The following CDK5R1 variants were observed in gnomAD, a reference collection of about 807,000 sequenced individuals.
CDK5R1 encodes cyclin dependent kinase 5 regulatory subunit 1.
In CDK5R1, 1 loss-of-function variant was observed where a neutral mutation model predicts 19.0. The ratio of observed to expected loss-of-function variants is 0.05; its 90% CI spans 0.02 to 0.25. CDK5R1 has a LOEUF of 0.25. Ranked by LOEUF, CDK5R1 falls within the 10% of genes least tolerant of loss-of-function variation. The probability of loss-of-function intolerance (pLI) is 1.00; values close to 1 mark genes in which losing one functional copy is unlikely to be tolerated. For missense variants in CDK5R1, 314 were observed against 401.0 expected, an observed-to-expected ratio of 0.78 and a Z score of 1.85; for synonymous variants, 225 against 187.7, an observed-to-expected ratio of 1.20 and a Z score of -1.62.
In CDK5R1 at chr17:32,488,813, C is replaced by T. The variant is rs1394399298; in HGVS notation, c.*269C>T. 6 of 523,252 alleles carry T rather than the reference C, an allele frequency of 1.1e-5. No homozygotes were observed. Among genetic ancestry groups the T allele is most frequent in the African/African-American group, 1.9e-5 (1 of 51,388 alleles). 32.4% of individuals were successfully genotyped at this position (523,252 alleles called of 1,614,324 possible). The stretch of plus-strand genomic sequence containing the variant: ...ACTCAAAGGACTGACCTGCCCCTGC[C>T]GCCTGTGCCCTTGCTGGGTCCAGGG... On this transcript the variant is annotated 3_prime_UTR_variant, in exon 2 of 2. Coordinates refer to ENST00000313401, the MANE Select transcript of CDK5R1 (RefSeq NM_003885.3).
rs550605693 is a variant in CDK5R1 at position 32,487,619 on chromosome 17, C to A, written c.-2C>A. ...AGCCCCCGCCCGGCGCGCAGCAGCA[C>A]CATGGGCACGGTGCTGTCCCTGTCT... On this transcript the variant is annotated 5_prime_UTR_variant, in exon 2 of 2. Coordinates refer to ENST00000313401, the MANE Select transcript of CDK5R1 (RefSeq NM_003885.3). The surrounding 1 kb of genome is among the most constrained non-coding windows in gnomAD (Gnocchi z 7.9). 1 of 1,611,696 alleles carries A rather than the reference C, an allele frequency of 6.2e-7. No homozygotes were observed. The highest frequency in any genetic ancestry group is 1.1e-5 in the South Asian group (1 of 91,004).
In CDK5R1 at chr17:32,491,183, T is replaced by C. The variant is rs1448241223; in HGVS notation, c.*2639T>C. On this transcript the variant is annotated 3_prime_UTR_variant, in exon 2 of 2. Transcript: ENST00000313401. Reference sequence around the variant, plus strand: ...GTCATGAAGCTCAGTTTGGCTGTAATTTAATTCCCCTTCCCTTATTTTTAT... The same window carrying C: ...GTCATGAAGCTCAGTTTGGCTGTAACTTAATTCCCCTTCCCTTATTTTTAT... 2 of 167,098 alleles carry C rather than the reference T, an allele frequency of 1.2e-5. No individual in the cohort carries two copies. The highest frequency in any genetic ancestry group is 2.9e-5 in the Non-Finnish European group (2 of 68,140). 10.4% of individuals were successfully genotyped at this position (167,098 alleles called of 1,614,324 possible).
Position 32,489,011 on chromosome 17 carries a change from G to A in CDK5R1, c.*467G>A, listed in dbSNP as rs1908777241. Reference sequence around the variant, plus strand: ...CCACCCTAACTGAGCTGCCAGTGGGGTCGTGAGGCAAGATCCCCGCCACCC... The same window carrying A: ...CCACCCTAACTGAGCTGCCAGTGGGATCGTGAGGCAAGATCCCCGCCACCC... On this transcript the variant is annotated 3_prime_UTR_variant, in exon 2 of 2. Coordinates refer to ENST00000313401, the MANE Select transcript of CDK5R1 (RefSeq NM_003885.3). 2.6e-6 allele frequency: 1 copy of A among 380,472 alleles called. No individual in the cohort carries two copies. The highest frequency in any genetic ancestry group is 2.0e-5 in the South Asian group (1 of 49,140). 23.6% of individuals were successfully genotyped at this position (380,472 alleles called of 1,614,324 possible). A position where few individuals can be genotyped will look rare whatever the true frequency, so the allele number is the denominator to read the frequency against.
Position 32,488,581 on chromosome 17 carries a change from C to A in CDK5R1, c.*37C>A, listed in dbSNP as rs1908761977. 1 of 1,613,458 alleles carries A rather than the reference C, an allele frequency of 6.2e-7. No individual in the cohort carries two copies. Among genetic ancestry groups the A allele is most frequent in the Non-Finnish European group, 8.5e-7 (1 of 1,179,922 alleles). Reference sequence around the variant, plus strand: ...TGCGTCATGGCTCAAGGATTCAATGCATTTTTAAGAATTTATTATTAAATC... The same window carrying A: ...TGCGTCATGGCTCAAGGATTCAATGAATTTTTAAGAATTTATTATTAAATC... On this transcript the variant is annotated 3_prime_UTR_variant, in exon 2 of 2. Transcript: ENST00000313401.
At position 32,490,603 on chromosome 17, in the gene CDK5R1, T is replaced by C. The variant is rs1200110558; in HGVS notation, c.*2059T>C. On this transcript the variant is annotated 3_prime_UTR_variant, in exon 2 of 2. Coordinates refer to ENST00000313401, the MANE Select transcript of CDK5R1 (RefSeq NM_003885.3). The stretch of plus-strand genomic sequence containing the variant: ...CAGTATTGTGTAAAGGAACAACTGA[T>C]ATACTTGAGTGTGCAAGCAAAGAAC... The C allele has an allele frequency of 1.2e-5, 2 of 167,098 alleles. No individual in the cohort carries two copies. Among genetic ancestry groups the C allele is most frequent in the African/African-American group, 4.8e-5 (2 of 41,426 alleles). The allele number at this position is 167,098 out of a possible 1,614,324, so 10.4% of individuals were successfully genotyped here.
rs771799105 is a variant in CDK5R1 at position 32,488,520 on chromosome 17, GCTC to G, written c.906_908del (p.Leu303del). The G allele has an allele frequency of 6.2e-7, 1 of 1,614,162 alleles. No individual in the cohort carries two copies. Among genetic ancestry groups the G allele is most frequent in the Admixed American group, 1.7e-5 (1 of 60,030 alleles). On this transcript the variant is annotated inframe_deletion, in exon 2 of 2. Transcript: ENST00000313401. ...AGAGCGGCCAGGAGGACAAGAAGCGGCTCCTCCTAGGCCTGGATCGGTGAGCAC... is the reference window on the plus strand; with the variant it reads ...AGAGCGGCCAGGAGGACAAGAAGCGGCTCCTAGGCCTGGATCGGTGAGCAC...
In CDK5R1 at chr17:32,487,108, G is replaced by C. The variant is rs565404018; in HGVS notation, c.-200G>C. 589 of 146,522 alleles carry C rather than the reference G, an allele frequency of 4.0e-3. 5 individuals are homozygous for C. Among genetic ancestry groups the C allele is most frequent in the African/African-American group, 0.013 (551 of 40,896 alleles). The allele number at this position is 146,522 out of a possible 1,614,324, so 9.1% of individuals were successfully genotyped here. ...CGCCGAGCGCCGGGACCGCGGCGGC[G>C]GGGCCGCGGCGCGCATTGCGGAGGG... On this transcript the variant is annotated 5_prime_UTR_variant, in exon 1 of 2. Transcript: ENST00000313401. The surrounding 1 kb of genome is among the most constrained non-coding windows in gnomAD (Gnocchi z 7.9).
Position 32,488,631 on chromosome 17 carries a change from G to A in CDK5R1, c.*87G>A. On this transcript the variant is annotated 3_prime_UTR_variant, in exon 2 of 2. Coordinates refer to ENST00000313401, the MANE Select transcript of CDK5R1 (RefSeq NM_003885.3). The stretch of plus-strand genomic sequence containing the variant: ...CAGTTTTGTGTACAGTATGTGTCTA[G>A]CAAAGCCACCAAGGGCCTCACCTTT... The A allele has an allele frequency of 6.4e-7, 1 of 1,573,094 alleles. No homozygotes were observed. Among genetic ancestry groups the A allele is most frequent in the Non-Finnish European group, 8.6e-7 (1 of 1,160,118 alleles).
rs759109916 is a variant in CDK5R1 at position 32,487,680 on chromosome 17, C to G, written c.60C>G (p.Gly20=). 5 of 1,613,624 alleles carry G rather than the reference C, an allele frequency of 3.1e-6. No homozygotes were observed. Among genetic ancestry groups the G allele is most frequent in the Non-Finnish European group, 4.2e-6 (5 of 1,179,876 alleles). Residue 20 remains glycine (G), a synonymous_variant, in exon 2 of 2, where the codon GGC becomes GGG. Transcript: ENST00000313401. This position sits in a 1 kb window ranked among gnomAD's most constrained non-coding sequence, Gnocchi z 7.9. The part of the protein sequence containing the change: ...SYRKATLFED[G]AATVGHYTAV... The stretch of plus-strand genomic sequence containing the variant: ...GGAAGGCCACGCTGTTTGAGGATGG[C>G]GCGGCCACCGTGGGCCACTATACGG...
rs1908704215 is a variant in CDK5R1, at chr17:32,487,347, T to G, written c.-145-129T>G. 1 of 155,260 alleles carries G rather than the reference T, an allele frequency of 6.4e-6. No individual in the cohort carries two copies. Among genetic ancestry groups the G allele is most frequent in the Non-Finnish European group, 1.4e-5 (1 of 71,128 alleles). The allele number at this position is 155,260 out of a possible 1,614,324, so 9.6% of individuals were successfully genotyped here. A position where few individuals can be genotyped will look rare whatever the true frequency, so the allele number is the denominator to read the frequency against. On this transcript the variant is annotated intron_variant, in intron 1 of 1. Transcript: ENST00000313401. The surrounding 1 kb of genome is among the most constrained non-coding windows in gnomAD (Gnocchi z 7.9). ...CTGCAGTGGAGGCGGCGAGGCTGCG[T>G]CGCGGGGGCGCGGGTAGGGCCCGGG...
Position 32,489,296 on chromosome 17 carries a change from TG to T in CDK5R1, c.*756del, listed in dbSNP as rs1406712729. ...CCCAGCTAAAGAGGTGGGGTGAAGC[TG>T]GGGACAGCTTTCCTGGGTGAGTTTT... is the stretch of plus-strand genomic sequence containing the variant. On this transcript the variant is annotated 3_prime_UTR_variant, in exon 2 of 2. Coordinates refer to ENST00000313401, the MANE Select transcript of CDK5R1 (RefSeq NM_003885.3). 2.1e-6 allele frequency: 1 copy of T among 471,014 alleles called. No homozygotes were observed. Among genetic ancestry groups the T allele is most frequent in the Non-Finnish European group, 4.4e-6 (1 of 227,020 alleles). 29.2% of individuals were successfully genotyped at this position (471,014 alleles called of 1,614,324 possible). A position where few individuals can be genotyped will look rare whatever the true frequency, so the allele number is the denominator to read the frequency against.
rs201269434 is a variant in CDK5R1, at chr17:32,488,381, A to G, written c.761A>G (p.Lys254Arg). 1.9e-6 allele frequency: 3 copies of G among 1,614,000 alleles called. No homozygotes were observed. Among genetic ancestry groups the G allele is most frequent in the Non-Finnish European group, 2.5e-6 (3 of 1,179,996 alleles). ...PLKPFLVESC[K>R]EAFWDRCLSV... ...AAGCCCTTCCTGGTGGAGAGCTGCAAGGAGGCCTTTTGGGACCGTTGCCTC... is the reference window on the plus strand; with the variant it reads ...AAGCCCTTCCTGGTGGAGAGCTGCAGGGAGGCCTTTTGGGACCGTTGCCTC... The change falls in exon 2 of 2, where the codon AAG (lysine) becomes AGG (arginine). Residue 254 changes from lysine (K) to arginine (R), a missense_variant. Coordinates refer to ENST00000313401, the MANE Select transcript of CDK5R1 (RefSeq NM_003885.3).
rs1407836438 is a variant in CDK5R1, at chr17:32,489,478, A to G, written c.*934A>G. 2 of 360,340 alleles carry G rather than the reference A, an allele frequency of 5.6e-6. No homozygotes were observed. Among genetic ancestry groups the G allele is most frequent in the Non-Finnish European group, 1.1e-5 (2 of 174,054 alleles). The allele number at this position is 360,340 out of a possible 1,614,324, so 22.3% of individuals were successfully genotyped here. On this transcript the variant is annotated 3_prime_UTR_variant, in exon 2 of 2. Coordinates refer to ENST00000313401, the MANE Select transcript of CDK5R1 (RefSeq NM_003885.3). ...GGGCTAAGGCCTCTTGCTGGTGCAC[A>G]TGACATTTGTCCTGCAGAGCTGGGG... is the stretch of plus-strand genomic sequence containing the variant.
At position 32,487,531 on chromosome 17, in the gene CDK5R1, C is replaced by G; in HGVS notation, c.-90C>G. On this transcript the variant is annotated 5_prime_UTR_variant, in exon 2 of 2. Transcript: ENST00000313401. The surrounding 1 kb of genome is among the most constrained non-coding windows in gnomAD (Gnocchi z 7.9). Reference sequence around the variant, plus strand: ...GAGCGCCCCCGCCTCCTCTCCGGGGCCGCCGCAGGCTCGGTGAGCGGTTTT... The same window carrying G: ...GAGCGCCCCCGCCTCCTCTCCGGGGGCGCCGCAGGCTCGGTGAGCGGTTTT... The G allele has an allele frequency of 1.9e-6, 2 of 1,045,534 alleles. No individual in the cohort carries two copies. Among genetic ancestry groups the G allele is most frequent in the Non-Finnish European group, 2.7e-6 (2 of 733,790 alleles). 64.8% of individuals were successfully genotyped at this position (1,045,534 alleles called of 1,614,324 possible). A position where few individuals can be genotyped will look rare whatever the true frequency, so the allele number is the denominator to read the frequency against.
chr17:32,487,543 C>G lies in CDK5R1; in HGVS notation c.-78C>G. On this transcript the variant is annotated 5_prime_UTR_variant, in exon 2 of 2. Coordinates refer to ENST00000313401, the MANE Select transcript of CDK5R1 (RefSeq NM_003885.3). This position sits in a 1 kb window ranked among gnomAD's most constrained non-coding sequence, Gnocchi z 7.9. ...CTCCTCTCCGGGGCCGCCGCAGGCT[C>G]GGTGAGCGGTTTTATCCCTCCGGCC... The G allele has an allele frequency of 1.7e-6, 2 of 1,206,422 alleles. No homozygotes were observed. The allele number at this position is 1,206,422 out of a possible 1,614,324, so 74.7% of individuals were successfully genotyped here.
rs894038667 is a variant in CDK5R1 at position 32,490,491 on chromosome 17, A to G, written c.*1947A>G. 6.0e-6 allele frequency: 1 copy of G among 166,982 alleles called. No homozygotes were observed. The highest frequency in any genetic ancestry group is 1.5e-5 in the Non-Finnish European group (1 of 68,116). The allele number at this position is 166,982 out of a possible 1,614,324, so 10.3% of individuals were successfully genotyped here. On this transcript the variant is annotated 3_prime_UTR_variant, in exon 2 of 2. Coordinates refer to ENST00000313401, the MANE Select transcript of CDK5R1 (RefSeq NM_003885.3). Reference sequence around the variant, plus strand: ...TTTTTATTCTTCGGAGGAGGTGGACATTTCGGAAGTGGTGGGGACTAAGGG... The same window carrying G: ...TTTTTATTCTTCGGAGGAGGTGGACGTTTCGGAAGTGGTGGGGACTAAGGG...
rs763934441 is a variant in CDK5R1 at position 32,488,566 on chromosome 17, C to T, written c.*22C>T. The T allele has an allele frequency of 1.9e-5, 30 of 1,613,934 alleles. No individual in the cohort carries two copies. The highest frequency in any genetic ancestry group is 1.7e-6 in the Non-Finnish European group (2 of 1,180,028). ...GTGAGCACTGTAGCCTGCGTCATGGCTCAAGGATTCAATGCATTTTTAAGA... is the reference window on the plus strand; with the variant it reads ...GTGAGCACTGTAGCCTGCGTCATGGTTCAAGGATTCAATGCATTTTTAAGA... On this transcript the variant is annotated 3_prime_UTR_variant, in exon 2 of 2. Transcript: ENST00000313401.
Position 32,490,681 on chromosome 17 carries a change from C to A in CDK5R1, c.*2137C>A, listed in dbSNP as rs1367502576. 4 of 167,044 alleles carry A rather than the reference C, an allele frequency of 2.4e-5. No individual in the cohort carries two copies. The East Asian group carries it at 7.7e-4, about 32-fold the overall frequency. The allele number at this position is 167,044 out of a possible 1,614,324, so 10.3% of individuals were successfully genotyped here. A position where few individuals can be genotyped will look rare whatever the true frequency, so the allele number is the denominator to read the frequency against. On this transcript the variant is annotated 3_prime_UTR_variant, in exon 2 of 2. Transcript: ENST00000313401. Reference sequence around the variant, plus strand: ...CTTTTAGATCAACAATAAAAAAAAACCTACAAAAAAACCTTTATTCTTTAA... The same window carrying A: ...CTTTTAGATCAACAATAAAAAAAAAACTACAAAAAAACCTTTATTCTTTAA...
At position 32,487,872 on chromosome 17, in the gene CDK5R1, G is replaced by A; in HGVS notation, c.252G>A (p.Glu84=). Residue 84 remains glutamate, a synonymous_variant, in exon 2 of 2, where the codon GAG becomes GAA. Transcript: ENST00000313401. The surrounding 1 kb of genome is among the most constrained non-coding windows in gnomAD (Gnocchi z 7.9). The part of the protein sequence containing the change: ...YQNNITHLNN[E]NLKKSLSCAN... ...ACAACATCACGCACCTCAACAATGA[G>A]AACCTGAAGAAGTCGCTGTCGTGCG... 6.2e-7 allele frequency: 1 copy of A among 1,613,994 alleles called. No homozygotes were observed. Among genetic ancestry groups the A allele is most frequent in the Non-Finnish European group, 8.5e-7 (1 of 1,180,026 alleles).
Sources: allele counts gnomAD v4.1 joint callset, GRCh38; gene constraint gnomAD v4.1.1; non-coding constraint Gnocchi (gnomAD v3.1); transcripts MANE v1.5; gene names NCBI Gene and HGNC (gene_info 2026-07-23, HGNC 2026-07-21).